Variants in SAMMSON observed in about 807,000 individuals in gnomAD.
SAMMSON encodes long intergenic non-protein coding RNA 1212.
At chr3:70,285,259 C>T (rs1702147767) in intron 6 of SAMMSON, among the ~76,000 whole-genome samples, 1 of 142,604 alleles carries the variant, frequency 7.0e-6, no homozygotes. Context: ...TTCCTGTGTC[C>T]ATGTGTTCTC....
chr3:70,226,870 G>A (rs1701512547), intron 4 of SAMMSON, among the ~76,000 whole-genome samples: 1 of 152,114 alleles, frequency 6.6e-6, no homozygotes, highest in South Asian at 2.1e-4. Context: ...GGTAAGAAGT[G>A]GGATGGAAAA....
downstream of SAMMSON, among the ~76,000 whole-genome samples, chr3:70,391,088 C>CA (rs1701044004): frequency 1.3e-5 from 2 of 152,206 alleles, no homozygotes; most frequent in South Asian, 4.1e-4. Flanking sequence ...AGAGAAAAGA[C>CA]AAAGAACTGT....
intron 4 of SAMMSON, among the ~76,000 whole-genome samples, chr3:70,162,978 C>G (rs762354408): frequency 6.6e-6 from 1 of 151,632 alleles, no homozygotes. Context: ...TTTTTGTTTA[C>G]TGTTTGCATG....
At chr3:70,068,443 C>A (rs1327475481) in intron 3 of SAMMSON, 1 of 152,076 alleles carries the variant, frequency 6.6e-6, no homozygotes, top group Non-Finnish European at 1.5e-5. Context: ...TAGCTTAAGA[C>A]CTGATCCACT....
intron 7 of SAMMSON, among the ~76,000 whole-genome samples, chr3:70,352,293 G>A (rs537714884): frequency 1.2e-4 from 19 of 152,100 alleles, no homozygotes; most frequent in African/African-American, 3.9e-4. Context: ...TTTAGTGGCA[G>A]GTAATAATTA....
chr3:70,414,162 A>G (rs553969678), intron 2 of SAMMSON, among the ~76,000 whole-genome samples: 17 of 152,224 alleles, frequency 1.1e-4, no homozygotes, highest in Admixed American at 2.6e-4. Flanking sequence ...GTCTTGTGTG[A>G]GGCACAAATT....
chr3:70,142,687 A>G (rs2067532782), intron 4 of SAMMSON, among the ~76,000 whole-genome samples: 1 of 152,162 alleles, frequency 6.6e-6, no homozygotes, highest in Non-Finnish European at 1.5e-5. Flanking sequence ...AACCTATGGA[A>G]AAAAATCTGA....
chr3:70,235,074 T>C (rs981272427), intron 4 of SAMMSON, among the ~76,000 whole-genome samples: 6 of 152,212 alleles, frequency 3.9e-5, no homozygotes, highest in African/African-American at 1.4e-4. Flanking sequence ...TGCACTTTGC[T>C]GCAGAATGTC....
intron 7 of SAMMSON, among the ~76,000 whole-genome samples, chr3:70,344,519 C>T (rs572883998): frequency 2.7e-4 from 41 of 152,328 alleles, no homozygotes; most frequent in African/African-American, 8.7e-4. Context: ...CAACCTGATT[C>T]TTCCTGGACA....
intron 2 of SAMMSON, among the ~76,000 whole-genome samples, chr3:70,418,168 A>C (rs1701280579): frequency 6.6e-6 from 1 of 152,200 alleles, no homozygotes; most frequent in South Asian, 2.1e-4. Context: ...CCCTTTCAGA[A>C]GGAGCAGGGA....
chr3:70,176,321 C>G (rs1457497929), intron 4 of SAMMSON, among the ~76,000 whole-genome samples: 1 of 152,042 alleles, frequency 6.6e-6, no homozygotes, highest in Non-Finnish European at 1.5e-5. Context: ...GAAGGAAACC[C>G]CATAAGCCTC....
intron 2 of SAMMSON, among the ~76,000 whole-genome samples, chr3:70,418,970 C>CTTTCTT (rs374917823): frequency 1.2e-5 from 1 of 86,738 alleles, no homozygotes; most frequent in Non-Finnish European, 2.3e-5. Context: ...CTTTCCTTTC[C>CTTTCTT]TTCCTTCCTT....
chr3:70,415,193 AT>A (rs1203612022), intron 2 of SAMMSON, among the ~76,000 whole-genome samples: 1 of 152,164 alleles, frequency 6.6e-6, no homozygotes, highest in Admixed American at 6.5e-5. Flanking sequence ...TTAAGATATT[AT>A]GAATTCATTT....
chr3:70,121,603 A>G (rs2067433346), intron 4 of SAMMSON, among the ~76,000 whole-genome samples: 1 of 152,152 alleles, frequency 6.6e-6, no homozygotes, highest in African/African-American at 2.4e-5. Context: ...ATGGTTTTAA[A>G]ATTTGAATTA....
At chr3:70,335,459 T>A (rs1702653780) in intron 7 of SAMMSON, among the ~76,000 whole-genome samples, 1 of 151,872 alleles carries the variant, frequency 6.6e-6, no homozygotes, top group Non-Finnish European at 1.5e-5. Context: ...TTTATCTAAG[T>A]TTTTTTTATA....
intron 4 of SAMMSON, among the ~76,000 whole-genome samples, chr3:70,117,670 T>C (rs2067416943): frequency 6.6e-6 from 1 of 152,256 alleles, no homozygotes; most frequent in African/African-American, 2.4e-5. Flanking sequence ...GTTGGTCTGG[T>C]GAGAAAGACC....
chr3:70,267,585 T>TTA (rs1559549288), intron 6 of SAMMSON, among the ~76,000 whole-genome samples: 1 of 146,756 alleles, frequency 6.8e-6, no homozygotes, highest in Admixed American at 6.7e-5. Context: ...TGTATTTTTT[T>TTA]TTTTTTTTTT....
chr3:70,290,342 G>T (rs1292421670), intron 6 of SAMMSON, among the ~76,000 whole-genome samples: 1 of 152,180 alleles, frequency 6.6e-6, no homozygotes, highest in Non-Finnish European at 1.5e-5. Context: ...GTGTGCCCCT[G>T]TTGGGGGGTG....
chr3:70,194,891 G>C (rs1457664711), intron 4 of SAMMSON, among the ~76,000 whole-genome samples: 2 of 152,176 alleles, frequency 1.3e-5, no homozygotes, highest in African/African-American at 4.8e-5. Context: ...CGGGTAGAGG[G>C]GTGGGTGCTC....
Sources: gnomAD v4.1 joint callset for allele counts (sites outside exome capture counted in the v4.1 genomes callset) on GRCh38, gnomAD v4.1.1 for gene constraint, MANE v1.5 for transcripts, NCBI Gene and HGNC (gene_info 2026-07-23, HGNC 2026-07-21) for gene names.